OTOGL: variants seen among roughly 807,000 people sequenced by gnomAD.
The protein encoded by OTOGL is otogelin-like protein.
Under a neutral mutation model 318.5 loss-of-function variants are expected in OTOGL, and 285 were observed. That is an observed-to-expected ratio of 0.89 (90% CI 0.81 to 0.99). OTOGL has a LOEUF of 0.99. Among genes scored for constraint, OTOGL ranks in the 50% least tolerant of loss-of-function variants. The pLI, the probability that OTOGL is intolerant of heterozygous loss-of-function variation, is 0.00. For synonymous variants in OTOGL, 987 were observed against 936.5 expected (o/e 1.05, Z -0.99); for missense variants, 2,899 against 2,845.6 (o/e 1.02, Z -0.43).
chr12:80,222,982 T>A (rs1274208390), intron 7 of OTOGL, among the ~76,000 whole-genome samples: 1 of 146,982 alleles, frequency 6.8e-6, no homozygotes, highest in Non-Finnish European at 1.5e-5. Flanking sequence ...TAGTCCACTA[T>A]CCCCTGAGCA....
chr12:80,368,424 A>C (rs1460875587), intron 55 of OTOGL, 115 bp downstream of exon 55: 1 of 584,144 alleles, frequency 1.7e-6, no homozygotes, highest in African/African-American at 1.9e-5. Context: ...TAAACACAGT[A>C]CACCTACAGC....
intron 1 of OTOGL, among the ~76,000 whole-genome samples, chr12:80,167,957 GCCTCT>G (rs751042393): frequency 1.9e-4 from 28 of 147,272 alleles, no homozygotes; most frequent in Admixed American, 3.4e-4. Flanking sequence ...TCCTCTCCTT[GCCTCT>G]CCTCTCCTCT....
At chr12:80,206,242 ACT>A (rs1565899244) in intron 1 of OTOGL, among the ~76,000 whole-genome samples, 1 of 151,446 alleles carries the variant, frequency 6.6e-6, no homozygotes, top group African/African-American at 2.4e-5. Flanking sequence ...TTTCATCTAA[ACT>A]CTCTTCTATT....
chr12:80,378,158 T>C lies in OTOGL; in HGVS notation c.*110T>C. 1.2e-6 allele frequency: 1 copy of C among 807,844 alleles called. No individual in the cohort carries two copies. The highest frequency in any genetic ancestry group is 1.9e-6 in the Non-Finnish European group (1 of 535,024). 50.0% of individuals were successfully genotyped at this position (807,844 alleles called of 1,614,324 possible). Reference sequence around the variant, plus strand: ...TTTATGCTGTTTAACAATACTGTATTTTTCAGACTTGGAATGTGGAAATTT... The same window carrying C: ...TTTATGCTGTTTAACAATACTGTATCTTTCAGACTTGGAATGTGGAAATTT... On this transcript the variant is annotated 3_prime_UTR_variant, in exon 59 of 59. Transcript: ENST00000547103.
At chr12:80,160,439 C>G (rs1023661177) in intron 1 of OTOGL, among the ~76,000 whole-genome samples, 1 of 152,016 alleles carries the variant, frequency 6.6e-6, no homozygotes, top group Non-Finnish European at 1.5e-5. Context: ...CATGAATAAG[C>G]AATTCTCAAG....
chr12:80,261,638 G>A (rs1418410980), intron 18 of OTOGL, among the ~76,000 whole-genome samples: 1 of 152,046 alleles, frequency 6.6e-6, no homozygotes, highest in Non-Finnish European at 1.5e-5. Context: ...ACTGTGAATC[G>A]TGGCTTTGAT....
intron 1 of OTOGL, among the ~76,000 whole-genome samples, chr12:80,198,460 T>G (rs1293316784): frequency 6.6e-6 from 1 of 152,146 alleles, no homozygotes; most frequent in African/African-American, 2.4e-5. Flanking sequence ...GGCACGTGCC[T>G]GTAATCCCAG....
At position 80,338,983 on chromosome 12, in the gene OTOGL, T is replaced by C. The variant is rs887175349; in HGVS notation, c.4861-92T>C. The C allele has an allele frequency of 1.1e-5, 12 of 1,064,388 alleles. No individual in the cohort carries two copies. The African/African-American group carries it at 2.0e-4, about 17-fold the overall frequency. The allele number at this position is 1,064,388 out of a possible 1,614,324, so 65.9% of individuals were successfully genotyped here. A position where few individuals can be genotyped will look rare whatever the true frequency, so the allele number is the denominator to read the frequency against. ...TTCTTAAAAAAATTAAAAAATAGTT[T>C]ACATTAAATCAGAATAAAGGAATAA... On this transcript the variant is annotated intron_variant, in intron 42 of 58. Transcript: ENST00000547103.
chr12:80,320,710 CT>C lies in OTOGL; in HGVS notation c.4081+11del. On this transcript the variant is annotated intron_variant, in intron 34 of 58. Transcript: ENST00000547103. Reference sequence around the variant, plus strand: ...AGCTTCAGCATAGAAGGTATGTTTCCTGAGATCTCCAAAAAGAGAACAAATA... The same window carrying C: ...AGCTTCAGCATAGAAGGTATGTTTCCGAGATCTCCAAAAAGAGAACAAATA... The C allele has an allele frequency of 6.4e-7, 1 of 1,571,852 alleles. No homozygotes were observed. Among genetic ancestry groups the C allele is most frequent in the Non-Finnish European group, 8.6e-7 (1 of 1,160,684 alleles).
chr12:80,255,860 T>C (rs926500288), intron 16 of OTOGL, among the ~76,000 whole-genome samples: 1 of 151,808 alleles, frequency 6.6e-6, no homozygotes, highest in Non-Finnish European at 1.5e-5. Context: ...TTGTTTTTTT[T>C]CCAGTTTTAT....
At chr12:80,125,859 T>G (rs376364067) in intron 1 of OTOGL, among the ~76,000 whole-genome samples, 14 of 152,220 alleles carry the variant, frequency 9.2e-5, no homozygotes, top group East Asian at 1.9e-4. Context: ...ATGGTAGTTT[T>G]TATTTCTGTG....
At position 80,323,662 on chromosome 12, in the gene OTOGL, A is replaced by G. The variant is rs893394602; in HGVS notation, c.4082-61A>G. 3.2e-6 allele frequency: 4 copies of G among 1,254,360 alleles called. No homozygotes were observed. The African/African-American group carries it at 5.9e-5, about 19-fold the overall frequency. The allele number at this position is 1,254,360 out of a possible 1,614,324, so 77.7% of individuals were successfully genotyped here. ...AGACTGTCTCAAGAAAGAAAAGGGA[A>G]TTGTTAGTTTTCAAGCTATGTATTA... On this transcript the variant is annotated intron_variant, in intron 34 of 58. Transcript: ENST00000547103.
chr12:80,202,125 T>C (rs1876499643), intron 1 of OTOGL, among the ~76,000 whole-genome samples: 1 of 152,146 alleles, frequency 6.6e-6, no homozygotes, highest in South Asian at 2.1e-4. Context: ...TTCTCTTAGT[T>C]CTGACTCCTC....
At chr12:80,237,516 G>A (rs1252375276) in intron 9 of OTOGL, among the ~76,000 whole-genome samples, 1 of 152,150 alleles carries the variant, frequency 6.6e-6, no homozygotes, top group Non-Finnish European at 1.5e-5. Flanking sequence ...GGTTTTGAAG[G>A]AGGAAGAACA....
intron 1 of OTOGL, among the ~76,000 whole-genome samples, chr12:80,190,009 TG>T (rs1176642315): frequency 6.6e-6 from 1 of 152,236 alleles, no homozygotes; most frequent in African/African-American, 2.4e-5. Context: ...CTCCTGACCC[TG>T]ACCACAGCAT....
chr12:80,261,661 A>C (rs1565938148), intron 18 of OTOGL, among the ~76,000 whole-genome samples: 1 of 152,102 alleles, frequency 6.6e-6, no homozygotes, highest in East Asian at 1.9e-4. Flanking sequence ...TTAGCAGCTT[A>C]GTGTAATTTA....
intron 44 of OTOGL, among the ~76,000 whole-genome samples, chr12:80,351,120 G>A (rs1023027307): frequency 6.6e-6 from 1 of 152,130 alleles, no homozygotes; most frequent in African/African-American, 2.4e-5. Context: ...TCAACTGCTA[G>A]TGGATATTCA....
intron 3 of OTOGL, 75 bp downstream of exon 3, chr12:80,210,961 T>G: frequency 1.0e-6 from 1 of 998,980 alleles, no homozygotes; most frequent in Non-Finnish European, 1.3e-6. Flanking sequence ...CAGGCAACTA[T>G]ATCTGCTTTT....
In OTOGL at chr12:80,261,950, C is replaced by A. The variant is rs1046450728; in HGVS notation, c.1890-19C>A. On this transcript the variant is annotated intron_variant, in intron 18 of 58. Transcript: ENST00000547103. ...TGAATGAGAGATACATGAAGATGAG[C>A]ATTGTCTTTGCTTTCTAGTTCTCCA... The A allele has an allele frequency of 1.9e-6, 3 of 1,607,100 alleles. No individual in the cohort carries two copies. Among genetic ancestry groups the A allele is most frequent in the African/African-American group, 2.7e-5 (2 of 74,710 alleles).
Sources: gnomAD v4.1 joint callset for allele counts (sites outside exome capture counted in the v4.1 genomes callset) on GRCh38, gnomAD v4.1.1 for gene constraint, MANE v1.5 for transcripts, NCBI Gene and HGNC (gene_info 2026-07-23, HGNC 2026-07-21) for gene names.